The following CCSER1 variants were observed in gnomAD, a reference collection of about 807,000 sequenced individuals.
CCSER1 encodes the protein coiled-coil serine rich protein 1, also known as serine-rich coiled-coil domain-containing protein 1.
CCSER1 carries 41 observed loss-of-function variants against 82.0 expected under a neutral mutation model. That is an observed-to-expected ratio of 0.50 (90% CI 0.39 to 0.65). The LOEUF (loss-of-function observed/expected upper bound fraction) is 0.65. CCSER1 is among the 30% of genes least tolerant of loss of function. The pLI is 0.00. For synonymous variants in CCSER1, 414 were observed against 383.9 expected (o/e 1.08, Z -0.92); for missense variants, 1,119 against 1,064.2 (o/e 1.05, Z -0.72).
chr4:90,312,486 A>G (rs528699472), intron 2 of CCSER1, among the ~76,000 whole-genome samples: 26 of 152,184 alleles, frequency 1.7e-4, no homozygotes, highest in African/African-American at 5.1e-4. Flanking sequence ...GCGGGTGGAG[A>G]GGCAGATGAG....
chr4:91,242,605 A>G (rs2204703), intron 10 of CCSER1, among the ~76,000 whole-genome samples: 92,671 of 151,996 alleles, frequency 0.61, 28,788 homozygotes, highest in East Asian at 0.92. Context: ...TTTAGATACA[A>G]TACCAAAAAC....
intron 3 of CCSER1, among the ~76,000 whole-genome samples, chr4:90,314,899 T>C (rs2153482596): frequency 7.7e-6 from 1 of 129,762 alleles, no homozygotes; most frequent in East Asian, 2.5e-4. Context: ...TAGGCTGGAG[T>C]GCACTGGTGC....
intron 10 of CCSER1, among the ~76,000 whole-genome samples, chr4:91,324,385 C>T (rs1746404022): frequency 6.6e-6 from 1 of 152,172 alleles, no homozygotes; most frequent in Admixed American, 6.5e-5. Flanking sequence ...GAAGAGAATT[C>T]TCGAGTGTTG....
intron 8 of CCSER1, among the ~76,000 whole-genome samples, chr4:90,828,111 T>C (rs1385822449): frequency 6.6e-6 from 1 of 152,110 alleles, no homozygotes; most frequent in East Asian, 1.9e-4. Context: ...GGATTGGCAA[T>C]AGCTGTATTA....
At chr4:91,517,586 T>G (rs1272486964) in intron 10 of CCSER1, among the ~76,000 whole-genome samples, 1 of 152,204 alleles carries the variant, frequency 6.6e-6, no homozygotes, top group African/African-American at 2.4e-5. Flanking sequence ...TCGATGATCT[T>G]CATTCCTGTC....
intron 8 of CCSER1, among the ~76,000 whole-genome samples, chr4:90,819,378 T>C (rs1759444016): frequency 6.6e-6 from 1 of 152,190 alleles, no homozygotes; most frequent in Non-Finnish European, 1.5e-5. Flanking sequence ...GCACATACTC[T>C]TTGTGCTCAT....
chr4:91,505,046 G>GTAT (rs1245389382), intron 10 of CCSER1, among the ~76,000 whole-genome samples: 1 of 152,112 alleles, frequency 6.6e-6, no homozygotes, highest in Non-Finnish European at 1.5e-5. Context: ...CATCACCTAT[G>GTAT]TATTAAGCCC....
rs533654289 is a variant in CCSER1, at chr4:91,160,853, G to A, written c.2217+74859G>A. On this transcript the variant is annotated intron_variant, in intron 10 of 10. Coordinates refer to ENST00000509176, the MANE Select transcript of CCSER1 (RefSeq NM_001145065.2). Reference sequence around the variant, plus strand: ...AAAATATTTTCCAATTCTGTAGGTTGCCTATTCACTCTGATGGTAGTTTCT... The same window carrying A: ...AAAATATTTTCCAATTCTGTAGGTTACCTATTCACTCTGATGGTAGTTTCT... 1.4e-4 allele frequency among the ~76,000 whole-genome samples: 21 copies of A among 152,090 alleles called. No individual in the cohort carries two copies. In the South Asian group the frequency reaches 4.0e-3, roughly 29 times the overall value.
intron 10 of CCSER1, among the ~76,000 whole-genome samples, chr4:91,429,892 A>T (rs1363281860): frequency 6.6e-6 from 1 of 151,902 alleles, no homozygotes; most frequent in African/African-American, 2.4e-5. Context: ...GAAAATTTTT[A>T]TCATTATAAA....
intron 6 of CCSER1, among the ~76,000 whole-genome samples, chr4:90,659,774 A>C (rs1179569007): frequency 6.6e-6 from 1 of 152,064 alleles, no homozygotes; most frequent in Non-Finnish European, 1.5e-5. Flanking sequence ...AATATTAACT[A>C]TTTAGTTGTG....
At chr4:91,583,652 T>G (rs1183588591) in intron 10 of CCSER1, among the ~76,000 whole-genome samples, 1 of 151,518 alleles carries the variant, frequency 6.6e-6, no homozygotes, top group Non-Finnish European at 1.5e-5. Context: ...AGTGGAGTTT[T>G]GGTTTTTCAT....
At chr4:91,474,338 G>C (rs1479345786) in intron 10 of CCSER1, among the ~76,000 whole-genome samples, 2 of 151,526 alleles carry the variant, frequency 1.3e-5, no homozygotes, top group African/African-American at 4.8e-5. Context: ...ATTAATAATG[G>C]ATAATAAATT....
At chr4:90,831,356 C>T (rs1761088472) in intron 8 of CCSER1, among the ~76,000 whole-genome samples, 1 of 152,036 alleles carries the variant, frequency 6.6e-6, no homozygotes, top group Non-Finnish European at 1.5e-5. Context: ...GATTGCATAG[C>T]CTATCTTGTT....
intron 10 of CCSER1, among the ~76,000 whole-genome samples, chr4:91,124,717 T>C (rs1727357250): frequency 6.6e-6 from 1 of 151,838 alleles, no homozygotes; most frequent in African/African-American, 2.4e-5. Context: ...CAATGTTTGC[T>C]ATAGAAGCAG....
intron 7 of CCSER1, among the ~76,000 whole-genome samples, chr4:90,782,319 A>ACATT (rs1429944521): frequency 5.9e-5 from 9 of 152,226 alleles, no homozygotes; most frequent in African/African-American, 1.9e-4. Context: ...GATCACTCAC[A>ACATT]CATTCATTCA....
At chr4:90,895,726 G>A in intron 8 of CCSER1, among the ~76,000 whole-genome samples, 1 of 151,932 alleles carries the variant, frequency 6.6e-6, no homozygotes, top group South Asian at 2.1e-4. Flanking sequence ...GAGCTTATCA[G>A]AATCTTTGAA....
chr4:91,103,539 G>A (rs1321588489), intron 10 of CCSER1, among the ~76,000 whole-genome samples: 2 of 152,070 alleles, frequency 1.3e-5, no homozygotes, highest in East Asian at 3.9e-4. Context: ...AGGAAGTCAG[G>A]GACCCCGAAT....
chr4:90,417,402 C>G (rs990317989), intron 4 of CCSER1, among the ~76,000 whole-genome samples: 1 of 151,718 alleles, frequency 6.6e-6, no homozygotes, highest in African/African-American at 2.4e-5. Flanking sequence ...CATTAATACT[C>G]AAAGAGAAAT....
intron 9 of CCSER1, among the ~76,000 whole-genome samples, chr4:91,069,458 TAGAG>T (rs1721201808): frequency 1.3e-5 from 2 of 152,262 alleles, no homozygotes; most frequent in African/African-American, 4.8e-5. Context: ...ATAGTAATTA[TAGAG>T]ATTTATTCAT....
Sources: gnomAD v4.1 joint callset for allele counts (sites outside exome capture counted in the v4.1 genomes callset) on GRCh38, gnomAD v4.1.1 for gene constraint, MANE v1.5 for transcripts, NCBI Gene and HGNC (gene_info 2026-07-23, HGNC 2026-07-21) for gene names.